Variants in NAT10 observed in about 807,000 individuals in gnomAD.
The protein encoded by NAT10 is RNA cytidine acetyltransferase.
In NAT10, 109 loss-of-function variants were observed where a neutral mutation model predicts 132.2. That is an observed-to-expected ratio of 0.82 (90% confidence interval 0.71 to 0.97). The LOEUF is 0.97. Among genes scored for constraint, NAT10 ranks in the 50% least tolerant of loss-of-function variants. The pLI is 0.00. For synonymous variants in NAT10, 479 were observed against 478.0 expected (o/e 1.00, Z -0.03); for missense variants, 1,184 against 1,263.4 (o/e 0.94, Z 0.95).
In NAT10 at chr11:34,113,264, T is replaced by C. The variant is rs573201679; in HGVS notation, c.373-452T>C. Among the ~76,000 whole-genome samples, 7 of 152,200 alleles carry C rather than the reference T, an allele frequency of 4.6e-5. No homozygotes were observed. The East Asian group carries it at 5.8e-4, about 13-fold the overall frequency. Reference sequence around the variant, plus strand: ...AAATTCAAGTATGAATCAGTGAAGGTTGGAAAATTTGTTTCCAAATAGGAT... The same window carrying C: ...AAATTCAAGTATGAATCAGTGAAGGCTGGAAAATTTGTTTCCAAATAGGAT... On this transcript the variant is annotated intron_variant, in intron 4 of 28. Transcript: ENST00000257829.
chr11:34,131,208 G>T (rs1397689441), intron 13 of NAT10, among the ~76,000 whole-genome samples, 173 bp from the exon 14 acceptor site: 1 of 152,192 alleles, frequency 6.6e-6, no homozygotes, highest in Non-Finnish European at 1.5e-5. Context: ...GGTTGGTATC[G>T]TGGCAAGTTG....
In NAT10 at chr11:34,113,572, G is replaced by A; in HGVS notation, c.373-144G>A. On this transcript the variant is annotated intron_variant, in intron 4 of 28. Coordinates refer to ENST00000257829, the MANE Select transcript of NAT10 (RefSeq NM_024662.3). The stretch of plus-strand genomic sequence containing the variant: ...AATCCCAGCACTTTGGGAGGCTCAG[G>A]TGGGTGGTGAGCCAAGATTGCGCCA... The A allele has an allele frequency of 3.9e-6, 4 of 1,018,682 alleles. No individual in the cohort carries two copies. The South Asian group carries it at 7.0e-5, about 18-fold the overall frequency. The allele number at this position is 1,018,682 out of a possible 1,614,324, so 63.1% of individuals were successfully genotyped here.
At chr11:34,129,399 A>C (rs1396855769) in intron 12 of NAT10, among the ~76,000 whole-genome samples, 1 of 152,098 alleles carries the variant, frequency 6.6e-6, no homozygotes, top group Non-Finnish European at 1.5e-5. Context: ...GCATCTTTAC[A>C]TGTGCGTATT....
chr11:34,134,642 G>C lies in NAT10; in HGVS notation c.1911+56G>C. 15 of 1,565,878 alleles carry C rather than the reference G, an allele frequency of 9.6e-6. No homozygotes were observed. The South Asian group carries it at 1.7e-4, about 17-fold the overall frequency. On this transcript the variant is annotated intron_variant, in intron 18 of 28. Transcript: ENST00000257829. ...TGTTGCTGGCGGTGCTTTAGGGTGG[G>C]GGTACTTGGTGGCTGGAATAAGAAG...
Position 34,131,385 on chromosome 11 carries a change from G to C in NAT10, c.1374G>C (p.Arg458=). The change falls in exon 14 of 29, where the codon CGG becomes CGC. Residue 458 remains arginine, a synonymous_variant. Coordinates refer to ENST00000257829, the MANE Select transcript of NAT10 (RefSeq NM_024662.3). The stretch of plus-strand genomic sequence containing the variant: ...GTGTGTGATTGTGGGGAGCAGCGCG[G>C]ACACTGTATGAGGTTTCCCTCCAGG... ...TTTTARLASA[R]TLYEVSLQES... 6.2e-7 allele frequency: 1 copy of C among 1,612,718 alleles called. No homozygotes were observed. Among genetic ancestry groups the C allele is most frequent in the Non-Finnish European group, 8.5e-7 (1 of 1,179,286 alleles).
intron 8 of NAT10, among the ~76,000 whole-genome samples, chr11:34,120,049 A>AT (rs1228048397): frequency 1.3e-5 from 2 of 151,160 alleles, no homozygotes; most frequent in Non-Finnish European, 2.9e-5. Flanking sequence ...GACCGTTTTA[A>AT]TTTGTGTTGC....
chr11:34,128,613 A>G (rs2132959992), intron 12 of NAT10, among the ~76,000 whole-genome samples: 1 of 152,370 alleles, frequency 6.6e-6, no homozygotes, highest in African/African-American at 2.4e-5. Flanking sequence ...ATGCAGATTT[A>G]TTGTGACTGC....
rs78665995 is a variant in NAT10 at position 34,142,229 on chromosome 11, C to G, written c.2812-46C>G. 1.7e-3 allele frequency: 2,706 copies of G among 1,579,634 alleles called. 33 individuals are homozygous for G. The African/African-American group carries it at 0.03, about 17-fold the overall frequency. On this transcript the variant is annotated intron_variant, in intron 26 of 28. Transcript: ENST00000257829. Reference sequence around the variant, plus strand: ...GCTTCACCTTTTCCTGTGTTTGGTTCAATCCTTGACTCTGACTTAGTCTCT... The same window carrying G: ...GCTTCACCTTTTCCTGTGTTTGGTTGAATCCTTGACTCTGACTTAGTCTCT...
chr11:34,143,517 C>T lies in NAT10; in HGVS notation c.2958C>T (p.Ile986=). ...LNKAGPNASI[I]SLKSDKKRKL... ...AAGCTGGGCCGAACGCCTCGATCAT[C>T]AGCCTGAAAAGGTGAGGGCCCAGGG... is the stretch of plus-strand genomic sequence containing the variant. Residue 986 remains isoleucine, a synonymous_variant, in exon 28 of 29, where the codon ATC becomes ATT. Coordinates refer to ENST00000257829, the MANE Select transcript of NAT10 (RefSeq NM_024662.3). The T allele has an allele frequency of 6.2e-7, 1 of 1,613,936 alleles. No individual in the cohort carries two copies.
At chr11:34,144,983 G>C (rs991436646) in intron 28 of NAT10, among the ~76,000 whole-genome samples, 1 of 152,346 alleles carries the variant, frequency 6.6e-6, no homozygotes, top group Admixed American at 6.5e-5. Flanking sequence ...ATCCAGCATC[G>C]ATGCCGGCCT....
chr11:34,132,123 A>G lies in NAT10; in HGVS notation c.1521-2A>G, dbSNP rs959724063. On this transcript the variant is annotated splice_acceptor_variant, in intron 14 of 28. Transcript: ENST00000257829. LOFTEE classifies it high-confidence loss of function. ...GTTTTGGTTTCTTAACTCCAGACCC[A>G]GGTACTATGTTAATAGAGATACCCT... is the stretch of plus-strand genomic sequence containing the variant. The G allele has an allele frequency of 1.9e-6, 3 of 1,611,012 alleles. No individual in the cohort carries two copies. Among genetic ancestry groups the G allele is most frequent in the African/African-American group, 1.3e-5 (1 of 74,858 alleles).
chr11:34,146,088 A>G lies in NAT10; in HGVS notation c.2974A>G (p.Lys992Glu), dbSNP rs771341516. The change falls in exon 29 of 29, where the codon AAG (lysine) becomes GAG (glutamate). Residue 992 changes from lysine to glutamate, a missense_variant. Lys to Glu is a moderately conservative substitution (Grantham distance 56). Transcript: ENST00000257829. ...CTATTTTTGATTTTTCTCTAGTGACAAGAAAAGGAAGTTAGAGGCCAAACA... is the reference window on the plus strand; with the variant it reads ...CTATTTTTGATTTTTCTCTAGTGACGAGAAAAGGAAGTTAGAGGCCAAACA... ...NASIISLKSD[K>E]KRKLEAKQEP... 6.3e-7 allele frequency: 1 copy of G among 1,599,616 alleles called. No homozygotes were observed. The highest frequency in any genetic ancestry group is 1.7e-5 in the Admixed American group (1 of 57,334).
rs141468393 is a variant in NAT10 at position 34,112,208 on chromosome 11, C to T, written c.357C>T (p.Gly119=). Residue 119 remains glycine, a synonymous_variant, in exon 4 of 29, where the codon GGC becomes GGT. Coordinates refer to ENST00000257829, the MANE Select transcript of NAT10 (RefSeq NM_024662.3). Reference sequence around the variant, plus strand: ...ACAAGATCCTGGGCAATACCTTCGGCATGTGTGTGCTGCAGGTGGGTGGCT... The same window carrying T: ...ACAAGATCCTGGGCAATACCTTCGGTATGTGTGTGCTGCAGGTGGGTGGCT... ...ETHKILGNTF[G]MCVLQDFEAL... is the part of the protein sequence containing the mutation. The T allele has an allele frequency of 9.8e-4, 1,578 of 1,614,204 alleles. 1 individual carries two copies. Among genetic ancestry groups the T allele is most frequent in the Non-Finnish European group, 1.2e-3 (1,455 of 1,180,030 alleles).
rs538433216 is a variant in NAT10, at chr11:34,132,821, G to C, written c.1618-205G>C. Among the ~76,000 whole-genome samples, 7 of 152,324 alleles carry C rather than the reference G, an allele frequency of 4.6e-5. No homozygotes were observed. In the South Asian group the frequency reaches 1.2e-3, roughly 27 times the overall value. Reference sequence around the variant, plus strand: ...CAGTGCTCGGGGTGAGAGGACAGTAGGCATTTGAGGCTAAGTTCCACTTAA... The same window carrying C: ...CAGTGCTCGGGGTGAGAGGACAGTACGCATTTGAGGCTAAGTTCCACTTAA... On this transcript the variant is annotated intron_variant, in intron 15 of 28. Transcript: ENST00000257829.
intron 28 of NAT10, 31 bp from the exon 29 acceptor site, chr11:34,146,053 T>C: frequency 6.9e-7 from 1 of 1,459,612 alleles, no homozygotes; most frequent in African/African-American, 1.4e-5. Context: ...CTGTACATAT[T>C]TCATTCTTTC....
In NAT10 at chr11:34,135,196, C is replaced by T; in HGVS notation, c.1933C>T (p.Leu645=). Residue 645 remains leucine, a synonymous_variant, in exon 19 of 29, where the codon CTG becomes TTG. Transcript: ENST00000257829. Reference sequence around the variant, plus strand: ...CTAGATGGGCTATGGCAGCCGTGCTCTGCAGCTGCTGCAGATGTACTATGA... The same window carrying T: ...CTAGATGGGCTATGGCAGCCGTGCTTTGCAGCTGCTGCAGATGTACTATGA... ...YQGMGYGSRA[L]QLLQMYYEGR... The T allele has an allele frequency of 6.2e-7, 1 of 1,614,030 alleles. No homozygotes were observed. Among genetic ancestry groups the T allele is most frequent in the Non-Finnish European group, 8.5e-7 (1 of 1,179,892 alleles).
chr11:34,111,817 A>G (rs149289387), intron 3 of NAT10, among the ~76,000 whole-genome samples: 1 of 152,356 alleles, frequency 6.6e-6, no homozygotes, highest in African/African-American at 2.4e-5. Context: ...GCTCAAGGTC[A>G]CAGGGCAAAA....
At chr11:34,131,690 C>CTTT (rs372631421) in intron 14 of NAT10, among the ~76,000 whole-genome samples, 159 bp downstream of exon 14, 15 of 123,906 alleles carry the variant, frequency 1.2e-4, no homozygotes, top group East Asian at 4.5e-4. Context: ...TTTTTTCTTT[C>CTTT]TTTTTTTTTT....
At chr11:34,139,642 C>T in intron 23 of NAT10, 147 bp downstream of exon 23, 1 of 672,280 alleles carries the variant, frequency 1.5e-6, no homozygotes, top group South Asian at 1.8e-5. Context: ...GCTTGCCAGG[C>T]CCCTGCTCTG....
Sources: gnomAD v4.1 joint callset for allele counts (sites outside exome capture counted in the v4.1 genomes callset) on GRCh38, gnomAD v4.1.1 for gene constraint, MANE v1.5 for transcripts, NCBI Gene and HGNC (gene_info 2026-07-23, HGNC 2026-07-21) for gene names.